The following HS3ST5 variants were observed in gnomAD, a reference collection of about 807,000 sequenced individuals.
The protein encoded by HS3ST5 is heparan sulfate glucosamine 3-O-sulfotransferase 5.
A neutral mutation model predicts 25.4 loss-of-function variants in HS3ST5; 10 were observed. That is an observed-to-expected ratio of 0.39 (90% CI 0.24 to 0.67). The LOEUF is 0.67. HS3ST5 is among the 30% of genes least tolerant of loss of function. HS3ST5 has a pLI of 0.44. For synonymous variants in HS3ST5, 170 were observed against 162.4 expected, an observed-to-expected ratio of 1.05 and a Z score of -0.36; for missense variants, 324 against 420.7, an observed-to-expected ratio of 0.77 and a Z score of 2.01.
intron 1 of HS3ST5, among the ~76,000 whole-genome samples, chr6:114,328,325 GATTA>G (rs747674931): frequency 3.3e-5 from 5 of 151,946 alleles, no homozygotes; most frequent in Admixed American, 6.6e-5. Context: ...TATTTACAGG[GATTA>G]ATTAATTTCT....
intron 3 of HS3ST5, among the ~76,000 whole-genome samples, chr6:114,148,575 C>T (rs940862128): frequency 1.3e-5 from 2 of 152,080 alleles, no homozygotes; most frequent in Admixed American, 6.6e-5. Context: ...GAGCCAAGAT[C>T]GCGCCACTGT....
At chr6:114,136,618 G>A (rs773940980) in intron 3 of HS3ST5, among the ~76,000 whole-genome samples, 49 of 152,276 alleles carry the variant, frequency 3.2e-4, no homozygotes, top group Non-Finnish European at 4.6e-4. Flanking sequence ...AGTCTCCCCC[G>A]AAGGGCCAGT....
intron 2 of HS3ST5, among the ~76,000 whole-genome samples, chr6:114,194,324 C>T (rs1780641441): frequency 6.6e-6 from 1 of 152,150 alleles, no homozygotes; most frequent in Non-Finnish European, 1.5e-5. Flanking sequence ...AGCCCCCCTC[C>T]AACTGGATGA....
intron 1 of HS3ST5, among the ~76,000 whole-genome samples, chr6:114,315,434 A>T (rs1459415002): frequency 2.0e-5 from 3 of 152,318 alleles, no homozygotes; most frequent in East Asian, 1.9e-4. Flanking sequence ...ACTTTGTTAA[A>T]TGTATTTTAA....
chr6:114,174,760 C>T (rs530675812), intron 2 of HS3ST5, among the ~76,000 whole-genome samples: 16 of 152,064 alleles, frequency 1.1e-4, no homozygotes, highest in African/African-American at 3.6e-4. Flanking sequence ...TTTGGGAGGC[C>T]GAGGCAGGCA....
chr6:114,120,755 C>A (rs755042184), intron 3 of HS3ST5, among the ~76,000 whole-genome samples: 2 of 152,106 alleles, frequency 1.3e-5, no homozygotes, highest in Non-Finnish European at 2.9e-5. Flanking sequence ...TAACAAAATC[C>A]TCTCTAAAAA....
intron 3 of HS3ST5, among the ~76,000 whole-genome samples, chr6:114,086,638 G>A (rs141518152): frequency 4.8e-4 from 73 of 152,342 alleles, no homozygotes; most frequent in African/African-American, 1.6e-3. Flanking sequence ...ATAAATGGAT[G>A]TTAAGTTTCC....
Position 114,205,555 on chromosome 6 carries a change from G to A in HS3ST5, c.-145+23030C>T, listed in dbSNP as rs531010035. ...GTTACATTTCATAGGCATGATTGATGAGATCATTGGTCATTGATGATTTAA... is the reference window on the plus strand; with the variant it reads ...GTTACATTTCATAGGCATGATTGATAAGATCATTGGTCATTGATGATTTAA... On this transcript the variant is annotated intron_variant, in intron 2 of 4. Transcript: ENST00000312719. Among the ~76,000 whole-genome samples, 3 of 152,272 alleles carry A rather than the reference G, an allele frequency of 2.0e-5. No individual in the cohort carries two copies. In the South Asian group the frequency reaches 6.2e-4, roughly 32 times the overall value.
At chr6:114,332,902 C>T (rs930694189) in intron 1 of HS3ST5, among the ~76,000 whole-genome samples, 2 of 152,070 alleles carry the variant, frequency 1.3e-5, no homozygotes, top group South Asian at 2.1e-4. Flanking sequence ...TCCCTGGAGT[C>T]ACCCAATTGT....
At chr6:114,203,300 T>G (rs1781114612) in intron 2 of HS3ST5, among the ~76,000 whole-genome samples, 1 of 152,178 alleles carries the variant, frequency 6.6e-6, no homozygotes, top group Non-Finnish European at 1.5e-5. Context: ...CTATCTGCCT[T>G]GGTTAGCTTT....
At chr6:114,261,763 T>TC (rs2114669354) in intron 1 of HS3ST5, among the ~76,000 whole-genome samples, 1 of 152,332 alleles carries the variant, frequency 6.6e-6, no homozygotes, top group South Asian at 2.1e-4. Flanking sequence ...TTGCAGTGCT[T>TC]CAGAAGGACA....
chr6:114,184,737 G>A (rs1582692324), intron 2 of HS3ST5, among the ~76,000 whole-genome samples: 1 of 152,248 alleles, frequency 6.6e-6, no homozygotes, highest in South Asian at 2.1e-4. Context: ...ATGGGGACAG[G>A]ATTGCTACCC....
chr6:114,312,846 C>T (rs570803848), intron 1 of HS3ST5, among the ~76,000 whole-genome samples: 19 of 151,588 alleles, frequency 1.3e-4, no homozygotes, highest in African/African-American at 3.6e-4. Flanking sequence ...CCTGCAACAA[C>T]GCTGAAACCC....
chr6:114,211,150 G>A lies in HS3ST5; in HGVS notation c.-145+17435C>T, dbSNP rs115597940. 3.1e-3 allele frequency among the ~76,000 whole-genome samples: 465 copies of A among 152,314 alleles called. 2 individuals carry two copies. The highest frequency in any genetic ancestry group is 0.011 in the African/African-American group (446 of 41,576). On this transcript the variant is annotated intron_variant, in intron 2 of 4. Coordinates refer to ENST00000312719, the MANE Select transcript of HS3ST5 (RefSeq NM_153612.4). ...TTACAAATATAATCTAATATCATAT[G>A]AGCTTTTAGGCAATTACATCACATC...
chr6:114,263,386 T>C (rs1005075597), intron 1 of HS3ST5, among the ~76,000 whole-genome samples: 2 of 152,168 alleles, frequency 1.3e-5, no homozygotes, highest in Non-Finnish European at 2.9e-5. Context: ...TATGTTATCA[T>C]TTCTCATTAA....
At chr6:114,302,667 A>G (rs1313164999) in intron 1 of HS3ST5, among the ~76,000 whole-genome samples, 2 of 152,304 alleles carry the variant, frequency 1.3e-5, no homozygotes, top group Non-Finnish European at 2.9e-5. Flanking sequence ...TTTGCCAAGA[A>G]TTTGTGAGCA....
chr6:114,289,571 A>C (rs1330550863), intron 1 of HS3ST5, among the ~76,000 whole-genome samples: 1 of 152,090 alleles, frequency 6.6e-6, no homozygotes, highest in East Asian at 1.9e-4. Context: ...TCATTCCAAG[A>C]GGTTGGTTTC....
At chr6:114,144,125 CT>C (rs1778040378) in intron 3 of HS3ST5, among the ~76,000 whole-genome samples, 1 of 152,188 alleles carries the variant, frequency 6.6e-6, no homozygotes, top group Admixed American at 6.5e-5. Flanking sequence ...GTTCACCACT[CT>C]ACTCTGTAGC....
chr6:114,318,926 C>G (rs905748552), intron 1 of HS3ST5, among the ~76,000 whole-genome samples: 12 of 152,114 alleles, frequency 7.9e-5, no homozygotes, highest in African/African-American at 2.9e-4. Context: ...TTTATTAGCT[C>G]CTATCAGCCC....
Sources: gnomAD v4.1 joint callset for allele counts (sites outside exome capture counted in the v4.1 genomes callset) on GRCh38, gnomAD v4.1.1 for gene constraint, MANE v1.5 for transcripts, NCBI Gene and HGNC (gene_info 2026-07-23, HGNC 2026-07-21) for gene names.